NPSR1: variants seen among roughly 807,000 people sequenced by gnomAD.
NPSR1 encodes the protein neuropeptide S receptor.
Under a neutral mutation model 46.9 loss-of-function variants are expected in NPSR1, and 48 were observed. The ratio of observed to expected loss-of-function variants is 1.02; its 90% confidence interval spans 0.81 to 1.30. The LOEUF (loss-of-function observed/expected upper bound fraction) is 1.30. Ranked by LOEUF, NPSR1 falls within the 50% of genes most tolerant of loss-of-function variation. NPSR1 has a pLI of 0.00. For missense variants in NPSR1, 450 were observed against 449.5 expected (o/e 1.00, Z -0.01); for synonymous variants, 176 against 168.1 (o/e 1.05, Z -0.36).
At chr7:34,791,167 T>TTA (rs1787843951) in intron 3 of NPSR1, among the ~76,000 whole-genome samples, 4 of 107,754 alleles carry the variant, frequency 3.7e-5, no homozygotes. Context: ...ATTATATATG[T>TTA]TATATATTAT....
intron 6 of NPSR1, among the ~76,000 whole-genome samples, chr7:34,840,105 A>G (rs1439760141): frequency 1.3e-5 from 2 of 152,098 alleles, no homozygotes; most frequent in Non-Finnish European, 2.9e-5. Flanking sequence ...TCTCATATCT[A>G]GCTACAATTT....
intron 2 of NPSR1, among the ~76,000 whole-genome samples, chr7:34,713,438 C>T (rs1004809965): frequency 1.3e-5 from 2 of 151,960 alleles, no homozygotes; most frequent in African/African-American, 4.8e-5. Flanking sequence ...CATCAGTAAT[C>T]TCACTGAAAA....
intron 2 of NPSR1, among the ~76,000 whole-genome samples, chr7:34,767,929 A>G (rs1423060731): frequency 6.6e-6 from 1 of 152,162 alleles, no homozygotes; most frequent in Non-Finnish European, 1.5e-5. Flanking sequence ...TAGAACTAGA[A>G]TAAGTTCTAG....
intron 6 of NPSR1, among the ~76,000 whole-genome samples, chr7:34,844,122 A>G (rs1276110532): frequency 6.6e-6 from 1 of 152,244 alleles, no homozygotes; most frequent in Non-Finnish European, 1.5e-5. Context: ...CCCCAAATTT[A>G]TAGGTAATCA....
intron 3 of NPSR1, chr7:34,779,625 GA>G: frequency 8.2e-7 from 1 of 1,221,016 alleles, no homozygotes; most frequent in Non-Finnish European, 1.0e-6. Context: ...ATATAACCTT[GA>G]AAGTTTGGTA....
At chr7:34,672,549 A>G (rs1433344596) in intron 1 of NPSR1, among the ~76,000 whole-genome samples, 1 of 152,200 alleles carries the variant, frequency 6.6e-6, no homozygotes, top group African/African-American at 2.4e-5. Context: ...ATAAAGCATG[A>G]TCTACGGCCC....
intron 8 of NPSR1, among the ~76,000 whole-genome samples, chr7:34,856,092 T>A (rs1238406306): frequency 6.6e-6 from 1 of 152,032 alleles, no homozygotes; most frequent in Non-Finnish European, 1.5e-5. Context: ...AAATAAAGAA[T>A]GAGTGAAGAA....
At chr7:34,685,768 C>A in intron 2 of NPSR1, 1 of 377,320 alleles carries the variant, frequency 2.7e-6, no homozygotes, top group African/African-American at 2.2e-5. Flanking sequence ...AGCCCACCTG[C>A]TTGAGCTGGG....
intron 4 of NPSR1, among the ~76,000 whole-genome samples, chr7:34,813,248 C>G (rs1789080937): frequency 6.6e-6 from 1 of 152,140 alleles, no homozygotes; most frequent in African/African-American, 2.4e-5. Flanking sequence ...TGATTGCATA[C>G]TAGGTGTCAT....
At chr7:34,668,174 A>C (rs1412788966) in intron 1 of NPSR1, among the ~76,000 whole-genome samples, 1 of 152,144 alleles carries the variant, frequency 6.6e-6, no homozygotes, top group Non-Finnish European at 1.5e-5. Context: ...CATTCACATA[A>C]AGATATTGAA....
intron 8 of NPSR1, among the ~76,000 whole-genome samples, chr7:34,876,973 G>A (rs1791591548): frequency 6.6e-6 from 1 of 152,196 alleles, no homozygotes; most frequent in Non-Finnish European, 1.5e-5. Context: ...AGGTCACATG[G>A]CAGAGCCTGA....
At chr7:34,786,646 T>C (rs1234808016) in intron 3 of NPSR1, among the ~76,000 whole-genome samples, 6 of 152,168 alleles carry the variant, frequency 3.9e-5, no homozygotes, top group Non-Finnish European at 8.8e-5. Flanking sequence ...ATAATAACAC[T>C]GGAAAGTCAA....
At chr7:34,675,680 A>G (rs1321384407) in intron 1 of NPSR1, among the ~76,000 whole-genome samples, 1 of 152,202 alleles carries the variant, frequency 6.6e-6, no homozygotes, top group South Asian at 2.1e-4. Flanking sequence ...CATCCCAGCT[A>G]TCAGCCCTGT....
At chr7:34,689,955 TA>T (rs112039936) in intron 2 of NPSR1, among the ~76,000 whole-genome samples, 307 of 136,418 alleles carry the variant, frequency 2.3e-3, no homozygotes, top group Middle Eastern at 3.8e-3. Flanking sequence ...TAAAAAAAAT[TA>T]AAAAAAAAAA....
intron 3 of NPSR1, among the ~76,000 whole-genome samples, chr7:34,808,246 G>A (rs139594982): frequency 3.5e-4 from 53 of 152,254 alleles, no homozygotes; most frequent in Non-Finnish European, 5.9e-4. Context: ...ACTAATTTTG[G>A]ACTTCTGGTC....
At chr7:34,664,023 T>C (rs1562635474) in intron 1 of NPSR1, among the ~76,000 whole-genome samples, 1 of 152,182 alleles carries the variant, frequency 6.6e-6, no homozygotes, top group Non-Finnish European at 1.5e-5. Context: ...TTCAAATAAT[T>C]TCCTGTTGAT....
chr7:34,795,151 A>G (rs1788116353), intron 3 of NPSR1, among the ~76,000 whole-genome samples: 1 of 152,220 alleles, frequency 6.6e-6, no homozygotes, highest in African/African-American at 2.4e-5. Flanking sequence ...TCAATAGGCT[A>G]AAGAAGAAAA....
chr7:34,877,339 A>G (rs957370216), intron 8 of NPSR1, among the ~76,000 whole-genome samples: 3 of 152,156 alleles, frequency 2.0e-5, no homozygotes, highest in Non-Finnish European at 4.4e-5. Context: ...AACCTGACAC[A>G]AAGAAGGTGG....
chr7:34,831,967 T>C (rs1045242047), intron 5 of NPSR1, among the ~76,000 whole-genome samples: 8 of 152,162 alleles, frequency 5.3e-5, no homozygotes, highest in African/African-American at 1.9e-4. Context: ...CCATGCCAGG[T>C]TGGTGCAGCC....
Sources: allele counts gnomAD v4.1 joint callset (sites outside exome capture counted in the v4.1 genomes callset), GRCh38; gene constraint gnomAD v4.1.1; transcripts MANE v1.5; gene names NCBI Gene and HGNC (gene_info 2026-07-23, HGNC 2026-07-21).